Variants in ST8SIA6 observed in about 807,000 individuals in gnomAD.
ST8SIA6 encodes alpha-2,8-sialyltransferase 8F.
Under a neutral mutation model 33.6 loss-of-function variants are expected in ST8SIA6, and 39 were observed. The observed-to-expected ratio is 1.16, with a 90% CI of 0.90 to 1.52. The LOEUF (loss-of-function observed/expected upper bound fraction) is 1.52. Ranked by LOEUF, ST8SIA6 falls within the 40% of genes most tolerant of loss-of-function variation. The pLI is 0.00. For synonymous variants in ST8SIA6, 172 were observed against 167.2 expected, an observed-to-expected ratio of 1.03 and a Z score of -0.22; for missense variants, 441 against 443.8, an observed-to-expected ratio of 0.99 and a Z score of 0.06.
chr10:17,448,871 C>T (rs912339807), intron 2 of ST8SIA6, among the ~76,000 whole-genome samples: 7 of 150,186 alleles, frequency 4.7e-5, no homozygotes, highest in African/African-American at 1.2e-4. Context: ...CCACCCATCT[C>T]GGCCTCCAAA....
In ST8SIA6 at chr10:17,320,944, G is replaced by T; in HGVS notation, c.1131C>A (p.Ser377Arg). Reference protein sequence around the residue: ...HGFHQMPKEYSQILQLHMKGI... With the variant: ...HGFHQMPKEYRQILQLHMKGI... ...CTTTCATGTGAAGTTGGAGGATCTGGCTGTATTCTTTGGGCATCTGATGGA... is the reference window on the plus strand; with the variant it reads ...CTTTCATGTGAAGTTGGAGGATCTGTCTGTATTCTTTGGGCATCTGATGGA... The change falls in exon 8 of 8, where the codon AGC becomes AGA. Residue 377 changes from serine to arginine, a missense_variant. Transcript: ENST00000377602. The T allele has an allele frequency of 1.9e-6, 3 of 1,614,034 alleles. No homozygotes were observed. In the East Asian group the frequency reaches 6.7e-5, roughly 36 times the overall value.
rs577550149 is a variant in ST8SIA6, at chr10:17,432,753, G to A, written c.200+20806C>T. ...GTCCTTGTGGACGAACTGTAACCTA[G>A]CTTAATAGTCAGACAAGATTGAAAA... is the stretch of plus-strand genomic sequence containing the variant. On this transcript the variant is annotated intron_variant, in intron 2 of 7. Transcript: ENST00000377602. 1.1e-4 allele frequency among the ~76,000 whole-genome samples: 16 copies of A among 152,290 alleles called. No individual in the cohort carries two copies. The South Asian group carries it at 3.3e-3, about 32-fold the overall frequency.
At chr10:17,419,858 AACAC>A (rs924691766) in intron 2 of ST8SIA6, among the ~76,000 whole-genome samples, 10 of 152,228 alleles carry the variant, frequency 6.6e-5, no homozygotes, top group Admixed American at 5.9e-4. Context: ...ACATTTTTTT[AACAC>A]ACACTTTATC....
rs1237719433 is a variant in ST8SIA6 at position 17,318,595 on chromosome 10, A to C, written c.*2283T>G. 2 of 447,606 alleles carry C rather than the reference A, an allele frequency of 4.5e-6. No individual in the cohort carries two copies. The highest frequency in any genetic ancestry group is 9.2e-6 in the Non-Finnish European group (2 of 218,314). 27.7% of individuals were successfully genotyped at this position (447,606 alleles called of 1,614,324 possible). ...TTAGATGTACTTGAGTTTTAAGAGC[A>C]GAAGATCACATTAGATCTAACAATA... On this transcript the variant is annotated 3_prime_UTR_variant, in exon 8 of 8. Transcript: ENST00000377602.
intron 4 of ST8SIA6, among the ~76,000 whole-genome samples, chr10:17,338,655 A>T (rs897385850): frequency 6.6e-6 from 1 of 152,234 alleles, no homozygotes; most frequent in Non-Finnish European, 1.5e-5. Flanking sequence ...TAACTGAGAC[A>T]TTTGAGGCTC....
intron 2 of ST8SIA6, among the ~76,000 whole-genome samples, chr10:17,442,142 C>T (rs963125266): frequency 1.3e-5 from 2 of 152,352 alleles, no homozygotes; most frequent in East Asian, 1.9e-4. Flanking sequence ...GCTGGGATTA[C>T]AGGCGTGGGC....
chr10:17,383,499 T>C (rs1309671261), intron 3 of ST8SIA6, among the ~76,000 whole-genome samples: 1 of 152,254 alleles, frequency 6.6e-6, no homozygotes, highest in Non-Finnish European at 1.5e-5. Flanking sequence ...ATAATCATAA[T>C]TGTTATAATC....
chr10:17,380,706 A>G (rs1364922578), intron 3 of ST8SIA6, among the ~76,000 whole-genome samples: 1 of 152,182 alleles, frequency 6.6e-6, no homozygotes, highest in Non-Finnish European at 1.5e-5. Flanking sequence ...CATGATTAAA[A>G]GTCAGCTTAA....
chr10:17,449,229 T>C (rs545787912), intron 2 of ST8SIA6, among the ~76,000 whole-genome samples: 17 of 151,352 alleles, frequency 1.1e-4, no homozygotes, highest in African/African-American at 3.6e-4. Context: ...GTTGAAAAAA[T>C]AGAATATTTT....
At chr10:17,370,740 C>T (rs1849706946) in intron 3 of ST8SIA6, among the ~76,000 whole-genome samples, 1 of 152,066 alleles carries the variant, frequency 6.6e-6, no homozygotes, top group Admixed American at 6.5e-5. Flanking sequence ...ACCTTTGCTC[C>T]AACCCACTTC....
chr10:17,329,696 T>C (rs952932745), intron 5 of ST8SIA6, among the ~76,000 whole-genome samples: 4 of 152,210 alleles, frequency 2.6e-5, no homozygotes, highest in African/African-American at 9.7e-5. Context: ...GGAATGTTTT[T>C]CTCTGGTTTC....
At chr10:17,353,840 T>G (rs1054567811) in intron 4 of ST8SIA6, among the ~76,000 whole-genome samples, 6 of 152,198 alleles carry the variant, frequency 3.9e-5, no homozygotes, top group African/African-American at 1.2e-4. Context: ...CCAGCTCATC[T>G]CTTTGAAACC....
intron 2 of ST8SIA6, among the ~76,000 whole-genome samples, chr10:17,443,885 A>C (rs1852598518): frequency 6.6e-6 from 1 of 152,168 alleles, no homozygotes; most frequent in Non-Finnish European, 1.5e-5. Context: ...TGCCCTGCAA[A>C]TGAGAGATTA....
At chr10:17,349,100 G>A (rs1848948298) in intron 4 of ST8SIA6, among the ~76,000 whole-genome samples, 1 of 152,172 alleles carries the variant, frequency 6.6e-6, no homozygotes, top group Admixed American at 6.5e-5. Context: ...ACAGAAAGAC[G>A]ATAACCTAGA....
intron 2 of ST8SIA6, among the ~76,000 whole-genome samples, chr10:17,439,558 G>A (rs1456627553): frequency 1.3e-5 from 2 of 152,216 alleles, no homozygotes; most frequent in Non-Finnish European, 2.9e-5. Flanking sequence ...TGGGATTACA[G>A]GCGTGAGCCA....
At chr10:17,416,665 G>A (rs980846239) in intron 2 of ST8SIA6, among the ~76,000 whole-genome samples, 3 of 151,888 alleles carry the variant, frequency 2.0e-5, no homozygotes, top group East Asian at 1.9e-4. Context: ...TCTCTTTATC[G>A]GTACTTCTAT....
chr10:17,350,752 G>A (rs1429552993), intron 4 of ST8SIA6, among the ~76,000 whole-genome samples: 1 of 152,082 alleles, frequency 6.6e-6, no homozygotes, highest in Non-Finnish European at 1.5e-5. Context: ...CTACAGGGGA[G>A]CTGTCTGTAG....
intron 6 of ST8SIA6, among the ~76,000 whole-genome samples, chr10:17,323,641 T>C (rs2131576026): frequency 6.6e-6 from 1 of 152,198 alleles, no homozygotes; most frequent in African/African-American, 2.4e-5. Context: ...TGCCTTGGCC[T>C]CCCAAAGTGC....
intron 2 of ST8SIA6, among the ~76,000 whole-genome samples, chr10:17,414,737 T>A (rs1851552383): frequency 6.6e-6 from 1 of 152,188 alleles, no homozygotes; most frequent in Admixed American, 6.5e-5. Flanking sequence ...ACACCAGCCC[T>A]ATCAAATTAA....
Sources: allele counts gnomAD v4.1 joint callset (sites outside exome capture counted in the v4.1 genomes callset), GRCh38; gene constraint gnomAD v4.1.1; transcripts MANE v1.5; gene names NCBI Gene and HGNC (gene_info 2026-07-23, HGNC 2026-07-21).